PMEPA1: variants seen among roughly 807,000 people sequenced by gnomAD.
PMEPA1 encodes prostate transmembrane protein, androgen induced 1, also known as protein TMEPAI.
A neutral mutation model predicts 23.0 loss-of-function variants in PMEPA1; 11 were observed. The observed-to-expected ratio is 0.48, with a 90% CI of 0.30 to 0.79. PMEPA1 has a LOEUF of 0.79. Among genes scored for constraint, PMEPA1 ranks in the 30% least tolerant of loss-of-function variants. PMEPA1 has a pLI of 0.06. For synonymous variants in PMEPA1, 204 were observed against 166.4 expected (o/e 1.23, Z -1.74); for missense variants, 377 against 390.9 (o/e 0.96, Z 0.30).
At chr20:57,695,197 C>T (rs73917716) in intron 1 of PMEPA1, among the ~76,000 whole-genome samples, 6,823 of 152,368 alleles carry the variant, frequency 0.045, 286 homozygotes, top group African/African-American at 0.11. Flanking sequence ...TCATTCCCTG[C>T]AAAGGAATGC....
At chr20:57,710,595 C>A, upstream of PMEPA1, 1 of 878,022 alleles carries the variant, frequency 1.1e-6, no homozygotes, top group Non-Finnish European at 1.7e-6. Flanking sequence ...CGCGTAGACA[C>A]GCCCGGAAGC....
At chr20:57,695,280 C>T (rs1448881327) in intron 1 of PMEPA1, among the ~76,000 whole-genome samples, 1 of 152,270 alleles carries the variant, frequency 6.6e-6, no homozygotes, top group South Asian at 2.1e-4. Context: ...GCTGATGGGC[C>T]AACCCAGCCC....
intron 1 of PMEPA1, among the ~76,000 whole-genome samples, chr20:57,662,848 T>C (rs1440054820): frequency 2.0e-5 from 3 of 152,142 alleles, no homozygotes; most frequent in Non-Finnish European, 4.4e-5. Context: ...TTTTTGTCCC[T>C]GTCCCGGGCC....
chr20:57,652,209 G>A lies in PMEPA1; in HGVS notation c.708C>T (p.Ile236=), dbSNP rs771432193. The A allele has an allele frequency of 3.1e-6, 5 of 1,609,484 alleles. No individual in the cohort carries two copies. Among genetic ancestry groups the A allele is most frequent in the Non-Finnish European group, 4.2e-6 (5 of 1,179,278 alleles). The part of the protein sequence containing the change: ...EGPPPTYSEV[I]GHYPGSSFQH... ...GGAAGGAGGACCCCGGGTAGTGGCC[G>A]ATGACCTCGCTGTAGGTGGGCGGCG... is the stretch of plus-strand genomic sequence containing the variant. Residue 236 remains isoleucine (I), a synonymous_variant, in exon 4 of 4, where the codon ATC becomes ATT. Coordinates refer to ENST00000341744, the MANE Select transcript of PMEPA1 (RefSeq NM_020182.5). The surrounding 1 kb of genome is among the most constrained non-coding windows in gnomAD (Gnocchi z 6.1).
intron 1 of PMEPA1, among the ~76,000 whole-genome samples, chr20:57,692,263 C>T (rs953761385): frequency 6.6e-6 from 1 of 152,192 alleles, no homozygotes; most frequent in Non-Finnish European, 1.5e-5. Flanking sequence ...GACGCAACCC[C>T]GAGGACACTC....
At chr20:57,702,799 G>A (rs577392724) in intron 1 of PMEPA1, among the ~76,000 whole-genome samples, 28 of 152,294 alleles carry the variant, frequency 1.8e-4, no homozygotes, top group Middle Eastern at 3.4e-3. Flanking sequence ...AGAAAAATGC[G>A]TCACTAATAC....
At chr20:57,700,781 A>G (rs2072000574) in intron 1 of PMEPA1, among the ~76,000 whole-genome samples, 1 of 152,206 alleles carries the variant, frequency 6.6e-6, no homozygotes, top group Non-Finnish European at 1.5e-5. Flanking sequence ...TAATCTCAGC[A>G]CTTTGGGAGG....
chr20:57,671,402 C>T (rs1219075011), intron 1 of PMEPA1, among the ~76,000 whole-genome samples: 1 of 152,140 alleles, frequency 6.6e-6, no homozygotes, highest in African/African-American at 2.4e-5. Context: ...CGGCCACAGT[C>T]TTCTTGGAGG....
chr20:57,669,222 G>A (rs1444681974), intron 1 of PMEPA1, among the ~76,000 whole-genome samples: 1 of 151,772 alleles, frequency 6.6e-6, no homozygotes, highest in African/African-American at 2.4e-5. Flanking sequence ...GAGTGCAGTG[G>A]TGCAATCTTG....
chr20:57,657,636 A>AG (rs2071346498), intron 2 of PMEPA1, among the ~76,000 whole-genome samples: 1 of 152,192 alleles, frequency 6.6e-6, no homozygotes, highest in Non-Finnish European at 1.5e-5. Context: ...TTCCCATCAG[A>AG]GGTCCCAGGG....
chr20:57,688,642 C>T (rs1273903929), intron 1 of PMEPA1, among the ~76,000 whole-genome samples: 2 of 152,236 alleles, frequency 1.3e-5, no homozygotes, highest in Admixed American at 1.3e-4. Context: ...CAGAGCCTCA[C>T]ATTCATTCTC....
At chr20:57,667,826 C>T (rs1019721079) in intron 1 of PMEPA1, among the ~76,000 whole-genome samples, 1 of 152,070 alleles carries the variant, frequency 6.6e-6, no homozygotes, top group African/African-American at 2.4e-5. Flanking sequence ...ACCCCCACTA[C>T]ATTTGAATAG....
intron 1 of PMEPA1, among the ~76,000 whole-genome samples, chr20:57,684,518 T>C (rs157100): frequency 0.39 from 59,824 of 152,068 alleles, 12,489 homozygotes; most frequent in African/African-American, 0.49. Context: ...GACCACTTTC[T>C]GGTTGCTGGC....
chr20:57,659,902 AG>A (rs2071389527), intron 1 of PMEPA1, among the ~76,000 whole-genome samples: 1 of 152,158 alleles, frequency 6.6e-6, no homozygotes, highest in Non-Finnish European at 1.5e-5. Flanking sequence ...ACGGCGGAGG[AG>A]GGGGTACTGC....
chr20:57,664,099 G>A (rs1222633372), intron 1 of PMEPA1, among the ~76,000 whole-genome samples: 1 of 152,194 alleles, frequency 6.6e-6, no homozygotes, highest in African/African-American at 2.4e-5. Flanking sequence ...GCCTGCTGGC[G>A]AGGTCGGTCG....
intron 1 of PMEPA1, among the ~76,000 whole-genome samples, chr20:57,702,121 G>C (rs544540087): frequency 7.7e-4 from 118 of 152,260 alleles, no homozygotes; most frequent in African/African-American, 2.7e-3. Flanking sequence ...TCCCTACAAG[G>C]GCAGCAGCTC....
chr20:57,684,635 C>A (rs1047621485), intron 1 of PMEPA1, among the ~76,000 whole-genome samples: 3 of 152,190 alleles, frequency 2.0e-5, no homozygotes, highest in East Asian at 3.9e-4. Context: ...TTTTTCACTG[C>A]GGTAACAATG....
intron 1 of PMEPA1, among the ~76,000 whole-genome samples, chr20:57,680,020 A>G (rs1348468128): frequency 3.3e-5 from 5 of 152,190 alleles, no homozygotes; most frequent in Admixed American, 2.0e-4. Context: ...TGAGGGTCAC[A>G]ATGGCTGTGA....
At position 57,655,079 on chromosome 20, in the gene PMEPA1, C is replaced by T. The variant is rs542327546; in HGVS notation, c.265-1993G>A. Among the ~76,000 whole-genome samples the T allele has an allele frequency of 1.6e-3, 242 of 152,262 alleles. No individual in the cohort carries two copies. Among genetic ancestry groups the T allele is most frequent in the Non-Finnish European group, 2.8e-3 (190 of 68,028 alleles). On this transcript the variant is annotated intron_variant, in intron 2 of 3. Transcript: ENST00000341744. This position sits in a 1 kb window ranked among gnomAD's most constrained non-coding sequence, Gnocchi z 4.2. ...GCCGTAGTATAGCTGTTTCCTTTAACGGGTTTTCCTATCTGTATAGCGGGC... is the reference window on the plus strand; with the variant it reads ...GCCGTAGTATAGCTGTTTCCTTTAATGGGTTTTCCTATCTGTATAGCGGGC...
Sources: gnomAD v4.1 joint callset for allele counts (sites outside exome capture counted in the v4.1 genomes callset) on GRCh38, gnomAD v4.1.1 for gene constraint, Gnocchi (gnomAD v3.1) non-coding constraint, MANE v1.5 for transcripts, NCBI Gene and HGNC (gene_info 2026-07-23, HGNC 2026-07-21) for gene names.